MACROD2: variants seen among roughly 807,000 people sequenced by gnomAD.
MACROD2 encodes the protein mono-ADP ribosylhydrolase 2.
In MACROD2, 36 loss-of-function variants were observed where a neutral mutation model predicts 70.4. That is an observed-to-expected ratio of 0.51 (90% CI 0.39 to 0.68). MACROD2 has a LOEUF of 0.68. Ranked by LOEUF, MACROD2 falls within the 30% of genes least tolerant of loss-of-function variation. MACROD2 has a pLI of 0.00. For missense variants in MACROD2, 496 were observed against 538.4 expected, an observed-to-expected ratio of 0.92 and a Z score of 0.78; for synonymous variants, 172 against 178.8, an observed-to-expected ratio of 0.96 and a Z score of 0.30.
chr20:14,617,856 C>T (rs941885131), intron 4 of MACROD2, among the ~76,000 whole-genome samples: 8 of 152,096 alleles, frequency 5.3e-5, no homozygotes, highest in East Asian at 1.9e-4. Flanking sequence ...GGCGAAGCCT[C>T]GCAATCATGA....
At chr20:15,081,997 G>A (rs1043738028) in intron 5 of MACROD2, among the ~76,000 whole-genome samples, 7 of 152,140 alleles carry the variant, frequency 4.6e-5, no homozygotes, top group African/African-American at 1.4e-4. Context: ...CCTGGGAGGC[G>A]TGGACCAATT....
At chr20:14,934,911 G>C (rs1322386708) in intron 5 of MACROD2, 1 of 152,150 alleles carries the variant, frequency 6.6e-6, no homozygotes, top group Non-Finnish European at 1.5e-5. Context: ...CCAATAGAGA[G>C]GGCTGAGGGA....
rs191138867 is a variant in MACROD2, at chr20:14,656,912, C to T, written c.302-27931C>T. ...CCTAGGCTATAGGTAAGAGTTAAGA[C>T]GTACATGAGTGTCTTCTAGTTAATA... is the stretch of plus-strand genomic sequence containing the variant. On this transcript the variant is annotated intron_variant, in intron 4 of 17. Transcript: ENST00000684519. Among the ~76,000 whole-genome samples the T allele has an allele frequency of 6.6e-5, 10 of 152,176 alleles. No homozygotes were observed. In the South Asian group the frequency reaches 1.7e-3, roughly 25 times the overall value.
intron 7 of MACROD2, among the ~76,000 whole-genome samples, chr20:15,449,512 G>GGCA (rs1228650054): frequency 6.6e-6 from 1 of 152,104 alleles, no homozygotes; most frequent in Non-Finnish European, 1.5e-5. Context: ...CCTCTTAAGA[G>GGCA]GCAGCCACTG....
At chr20:14,919,066 G>A (rs1012269649) in intron 5 of MACROD2, among the ~76,000 whole-genome samples, 5 of 152,196 alleles carry the variant, frequency 3.3e-5, no homozygotes, top group African/African-American at 4.8e-5. Flanking sequence ...TGTGTTTTGC[G>A]GTGTTTATAT....
At chr20:15,659,692 G>A (rs1489885502) in intron 8 of MACROD2, among the ~76,000 whole-genome samples, 2 of 152,122 alleles carry the variant, frequency 1.3e-5, no homozygotes, top group Non-Finnish European at 2.9e-5. Context: ...AAGAATACCT[G>A]AGGCTGGGTA....
At chr20:15,465,826 T>G (rs1316075514) in intron 7 of MACROD2, among the ~76,000 whole-genome samples, 2 of 152,240 alleles carry the variant, frequency 1.3e-5, no homozygotes, top group Non-Finnish European at 2.9e-5. Flanking sequence ...GTGGCATCTC[T>G]TCTTTCGTAC....
At chr20:14,772,360 T>C (rs2072180046) in intron 5 of MACROD2, among the ~76,000 whole-genome samples, 1 of 152,000 alleles carries the variant, frequency 6.6e-6, no homozygotes, top group Admixed American at 6.6e-5. Context: ...TACCCGAGAC[T>C]GGGAAGTTTA....
intron 6 of MACROD2, among the ~76,000 whole-genome samples, chr20:15,233,722 A>G (rs2076979387): frequency 6.6e-6 from 1 of 151,504 alleles, no homozygotes; most frequent in Non-Finnish European, 1.5e-5. Flanking sequence ...TTACGATGGC[A>G]TTTCTTTTAT....
At chr20:15,168,441 A>ATGTGTGTG (rs56188346) in intron 5 of MACROD2, among the ~76,000 whole-genome samples, 2,456 of 134,674 alleles carry the variant, frequency 0.018, 43 homozygotes, top group African/African-American at 0.035. Flanking sequence ...ACATTGTGGG[A>ATGTGTGTG]TGTGTGTGTG....
chr20:14,020,987 C>CTT lies in MACROD2; in HGVS notation c.163+18602_163+18603dup, dbSNP rs1163077387. Among the ~76,000 whole-genome samples, 404 of 111,544 alleles carry CTT rather than the reference C, an allele frequency of 3.6e-3. 7 individuals carry two copies. Among genetic ancestry groups the CTT allele is most frequent in the African/African-American group, 6.6e-3 (187 of 28,258 alleles). 73.2% of individuals were successfully genotyped at this position (111,544 alleles called of 152,430 possible). On this transcript the variant is annotated intron_variant, in intron 2 of 17. Coordinates refer to ENST00000684519, the MANE Select transcript of MACROD2 (RefSeq NM_001351661.2). Reference sequence around the variant, plus strand: ...GTATACACAACTGCTTTTGAATATTCTTTTTTTTTTTTTTTTTTTTGAGAT... The same window carrying CTT: ...GTATACACAACTGCTTTTGAATATTCTTTTTTTTTTTTTTTTTTTTTTGAGAT...
At chr20:15,398,022 C>A (rs995236881) in intron 6 of MACROD2, among the ~76,000 whole-genome samples, 7 of 152,046 alleles carry the variant, frequency 4.6e-5, no homozygotes, top group Non-Finnish European at 2.9e-5. Context: ...TTTCCCATAC[C>A]GAGAGTCAGG....
At chr20:14,459,945 A>G (rs2084348750) in intron 3 of MACROD2, among the ~76,000 whole-genome samples, 1 of 151,990 alleles carries the variant, frequency 6.6e-6, no homozygotes, top group African/African-American at 2.4e-5. Flanking sequence ...TTCATTGTTC[A>G]ACTCCCACTT....
At chr20:14,011,287 T>G (rs2052901678) in intron 2 of MACROD2, among the ~76,000 whole-genome samples, 1 of 152,286 alleles carries the variant, frequency 6.6e-6, no homozygotes, top group East Asian at 1.9e-4. Flanking sequence ...ACCAAAAGAC[T>G]GGCAGCTGGT....
At chr20:14,108,541 C>T (rs1158032886) in intron 3 of MACROD2, among the ~76,000 whole-genome samples, 1 of 149,106 alleles carries the variant, frequency 6.7e-6, no homozygotes, top group Non-Finnish European at 1.5e-5. Flanking sequence ...CCTATCAAGA[C>T]ACACATAGAC....
chr20:15,280,929 G>A (rs769862521), intron 6 of MACROD2: 2 of 152,214 alleles, frequency 1.3e-5, no homozygotes, highest in Non-Finnish European at 1.5e-5. Flanking sequence ...AATTGATAAA[G>A]GAAAGAGGTT....
chr20:15,797,200 G>A (rs1225504502), intron 8 of MACROD2, among the ~76,000 whole-genome samples: 6 of 152,134 alleles, frequency 3.9e-5, no homozygotes, highest in African/African-American at 1.4e-4. Context: ...TGCAAGCTCC[G>A]CCTCCCAGGT....
chr20:15,299,503 T>G (rs1050103786), intron 6 of MACROD2, among the ~76,000 whole-genome samples: 1 of 152,246 alleles, frequency 6.6e-6, no homozygotes, highest in Non-Finnish European at 1.5e-5. Flanking sequence ...GAAGTCATTT[T>G]AAGGCCCAGA....
intron 5 of MACROD2, among the ~76,000 whole-genome samples, chr20:14,726,080 G>A (rs556015289): frequency 2.0e-5 from 3 of 152,080 alleles, no homozygotes; most frequent in African/African-American, 7.2e-5. Context: ...AAACAAGAGA[G>A]AATTCAAAAT....
Sources: allele counts gnomAD v4.1 joint callset (sites outside exome capture counted in the v4.1 genomes callset), GRCh38; gene constraint gnomAD v4.1.1; transcripts MANE v1.5; gene names NCBI Gene and HGNC (gene_info 2026-07-23, HGNC 2026-07-21).